SLIT1: variants seen among roughly 807,000 people sequenced by gnomAD.
SLIT1 encodes slit guidance ligand 1, also known as slit homolog 1 protein.
A neutral mutation model predicts 186.1 loss-of-function variants in SLIT1; 66 were observed. That is an observed-to-expected ratio of 0.35 (90% CI 0.29 to 0.44). The LOEUF is 0.44. SLIT1 is among the 20% of genes least tolerant of loss of function. SLIT1 has a pLI of 1.00. For missense variants in SLIT1, 1,638 were observed against 2,037.4 expected, an observed-to-expected ratio of 0.80 and a Z score of 3.77; for synonymous variants, 761 against 833.8, an observed-to-expected ratio of 0.91 and a Z score of 1.50.
intron 28 of SLIT1, 150 bp downstream of exon 28, chr10:97,018,436 T>C: frequency 1.8e-6 from 1 of 568,344 alleles, no homozygotes; most frequent in Non-Finnish European, 3.1e-6. Flanking sequence ...TGGCTATGAT[T>C]TGGAGTACAT....
At chr10:97,183,388 G>A (rs763686186) in intron 1 of SLIT1, among the ~76,000 whole-genome samples, 4 of 152,176 alleles carry the variant, frequency 2.6e-5, no homozygotes, top group Non-Finnish European at 4.4e-5. Flanking sequence ...AATGGCTCTC[G>A]TTTAGCGAGC....
chr10:97,048,006 G>C lies in SLIT1; in HGVS notation c.1466-10C>G. The C allele has an allele frequency of 6.2e-7, 1 of 1,614,112 alleles. No individual in the cohort carries two copies. The highest frequency in any genetic ancestry group is 1.7e-5 in the Admixed American group (1 of 60,028). On this transcript the variant is annotated splice_polypyrimidine_tract_variant and intron_variant, in intron 14 of 36. Coordinates refer to ENST00000266058, the MANE Select transcript of SLIT1 (RefSeq NM_003061.3). ...AAGTACTGCTCTTTGGCTGGGAAGA[G>C]AAGCAGAAATACCATAATGCAGGAA...
intron 4 of SLIT1, among the ~76,000 whole-genome samples, chr10:97,137,348 G>T (rs1352912177): frequency 1.3e-5 from 2 of 152,046 alleles, no homozygotes; most frequent in Admixed American, 6.6e-5. Flanking sequence ...CTCTTTGTTT[G>T]GGGGGAAAAA....
At chr10:97,064,112 C>A in intron 7 of SLIT1, 56 bp downstream of exon 7, 1 of 1,417,844 alleles carries the variant, frequency 7.1e-7, no homozygotes, top group Non-Finnish European at 9.8e-7. Flanking sequence ...CCCCACCCAC[C>A]CCCTGGCATC....
At chr10:97,065,871 A>G in intron 5 of SLIT1, 144 bp downstream of exon 5, 2 of 642,278 alleles carry the variant, frequency 3.1e-6, no homozygotes, top group Non-Finnish European at 5.7e-6. Context: ...ATTCCAGAAG[A>G]CCATGCTGGC....
At chr10:97,100,151 C>A (rs532728770) in intron 4 of SLIT1, among the ~76,000 whole-genome samples, 6 of 152,270 alleles carry the variant, frequency 3.9e-5, no homozygotes, top group South Asian at 2.1e-4. Context: ...TGGATTGATA[C>A]AGCACAGAGA....
chr10:97,014,180 G>GGA, intron 28 of SLIT1, 22 bp from the exon 29 acceptor site: 1 of 1,611,770 alleles, frequency 6.2e-7, no homozygotes, highest in Non-Finnish European at 8.5e-7. Flanking sequence ...AGGGGAGGAT[G>GGA]GAGAGACAGC....
At chr10:97,046,589 C>T (rs1436137835) in intron 18 of SLIT1, 65 bp downstream of exon 18, 2 of 1,491,920 alleles carry the variant, frequency 1.3e-6, no homozygotes, top group African/African-American at 2.8e-5. Flanking sequence ...CTCTCTCTTC[C>T]TTTCCCTTGG....
intron 4 of SLIT1, among the ~76,000 whole-genome samples, chr10:97,129,846 G>A (rs1163361705): frequency 6.6e-6 from 1 of 152,028 alleles, no homozygotes; most frequent in Non-Finnish European, 1.5e-5. Flanking sequence ...GTTTGCTGCT[G>A]ATGGAGCCTT....
chr10:97,033,017 G>A (rs1327177005), intron 23 of SLIT1, among the ~76,000 whole-genome samples: 2 of 151,892 alleles, frequency 1.3e-5, no homozygotes, highest in African/African-American at 4.8e-5. Context: ...AGGAGCAGGG[G>A]ATTATCAAGA....
rs932334077 is a variant in SLIT1, at chr10:97,004,607, G to A, written c.3710+86C>T. 67 of 1,525,972 alleles carry A rather than the reference G, an allele frequency of 4.4e-5. 1 individual carries two copies. In the Middle Eastern group the frequency reaches 5.2e-4, roughly 12 times the overall value. 94.5% of individuals were successfully genotyped at this position (1,525,972 alleles called of 1,614,324 possible). On this transcript the variant is annotated intron_variant, in intron 33 of 36. Coordinates refer to ENST00000266058, the MANE Select transcript of SLIT1 (RefSeq NM_003061.3). This position sits in a 1 kb window ranked among gnomAD's most constrained non-coding sequence, Gnocchi z 5.1. ...GGCAGCCCAGGTTTCTAGAGGTCTC[G>A]ATAACCACCTGCTTTTGGCCCAGGA...
chr10:97,018,825 A>ATTCATTCGTCCACTTCATTCT (rs1848477740), intron 27 of SLIT1, 142 bp from the exon 28 acceptor site: 1 of 614,670 alleles, frequency 1.6e-6, no homozygotes, highest in African/African-American at 2.2e-5. Context: ...CACTTCATTC[A>ATTCATTCGTCCACTTCATTCT]TTCATTCATT....
intron 31 of SLIT1, among the ~76,000 whole-genome samples, chr10:97,007,500 A>G (rs1848369793): frequency 6.6e-6 from 1 of 152,092 alleles, no homozygotes; most frequent in Admixed American, 6.5e-5. Context: ...TATCACAAAA[A>G]ACTACAGACC....
chr10:97,136,191 C>T (rs1849701842), intron 4 of SLIT1, among the ~76,000 whole-genome samples: 1 of 152,130 alleles, frequency 6.6e-6, no homozygotes, highest in Non-Finnish European at 1.5e-5. Flanking sequence ...TGCTGTGTCA[C>T]CTTGTCCCCT....
chr10:97,141,379 G>A (rs578004773), intron 4 of SLIT1, among the ~76,000 whole-genome samples: 5 of 151,912 alleles, frequency 3.3e-5, no homozygotes, highest in Non-Finnish European at 5.9e-5. Context: ...TCTTTTCATC[G>A]CACCAAACAG....
At position 97,185,738 on chromosome 10, in the gene SLIT1, G is replaced by A. The variant is rs1467141484; in HGVS notation, c.-64C>T. On this transcript the variant is annotated 5_prime_UTR_variant, in exon 1 of 37. Transcript: ENST00000266058. The stretch of plus-strand genomic sequence containing the variant: ...GCAGCCGCTGACCATCCCCGTCCGG[G>A]GCCGCCTCCAGGTGCAGTCCCGGGG... The A allele has an allele frequency of 9.5e-6, 13 of 1,364,582 alleles. No individual in the cohort carries two copies. The highest frequency in any genetic ancestry group is 5.3e-4 in the Middle Eastern group (2 of 3,742). 84.5% of individuals were successfully genotyped at this position (1,364,582 alleles called of 1,614,324 possible). A position where few individuals can be genotyped will look rare whatever the true frequency, so the allele number is the denominator to read the frequency against.
At chr10:97,017,496 G>A (rs1848464071) in intron 28 of SLIT1, among the ~76,000 whole-genome samples, 1 of 152,264 alleles carries the variant, frequency 6.6e-6, no homozygotes, top group Non-Finnish European at 1.5e-5. Context: ...GCCAGTGGGA[G>A]GGCGCTTGCG....
intron 31 of SLIT1, among the ~76,000 whole-genome samples, chr10:97,007,163 T>C (rs1564652115): frequency 6.6e-6 from 1 of 152,112 alleles, no homozygotes; most frequent in Admixed American, 6.5e-5. Flanking sequence ...CAGTGAATTA[T>C]AAAGGAATAC....
At chr10:97,168,492 A>T (rs939315403) in intron 1 of SLIT1, among the ~76,000 whole-genome samples, 1 of 152,230 alleles carries the variant, frequency 6.6e-6, no homozygotes, top group African/African-American at 2.4e-5. Context: ...TCTGAAGATA[A>T]GAGGATGAAT....
Sources: allele counts gnomAD v4.1 joint callset (sites outside exome capture counted in the v4.1 genomes callset), GRCh38; gene constraint gnomAD v4.1.1; non-coding constraint Gnocchi (gnomAD v3.1); transcripts MANE v1.5; gene names NCBI Gene and HGNC (gene_info 2026-07-23, HGNC 2026-07-21).